ARHGEF40: variants seen among roughly 807,000 people sequenced by gnomAD.
ARHGEF40 encodes the protein Rho guanine nucleotide exchange factor 40, also known as Rho guanine nucleotide exchange factor (GEF) 40.
In ARHGEF40, 98 loss-of-function variants were observed where a neutral mutation model predicts 165.9. The observed-to-expected ratio is 0.59, with a 90% CI of 0.50 to 0.70. ARHGEF40 has a LOEUF of 0.70. ARHGEF40 is among the 30% of genes least tolerant of loss of function. ARHGEF40 has a pLI of 0.00. For missense variants in ARHGEF40, 1,815 were observed against 1,968.0 expected, an observed-to-expected ratio of 0.92 and a Z score of 1.47; for synonymous variants, 792 against 814.3, an observed-to-expected ratio of 0.97 and a Z score of 0.47.
At chr14:21,081,447 C>T in intron 13 of ARHGEF40, 62 bp from the exon 14 acceptor site, 1 of 1,573,552 alleles carries the variant, frequency 6.4e-7, no homozygotes, top group South Asian at 1.2e-5. Flanking sequence ...ACTGGGCATC[C>T]TTCGTGAGCA....
Position 21,082,869 on chromosome 14 carries a change from C to T in ARHGEF40, c.3525C>T (p.His1175=), listed in dbSNP as rs776758055. Reference sequence around the variant, plus strand: ...GCCTTTATGCACAGTACGTGAAGCACCGACACAAACTGGAGAATGGTCTGG... The same window carrying T: ...GCCTTTATGCACAGTACGTGAAGCATCGACACAAACTGGAGAATGGTCTGG... ...QFSLYAQYVK[H]RHKLENGLAA... The change falls in exon 16 of 24, where the codon CAC becomes CAT. Residue 1175 remains histidine, a synonymous_variant. Transcript: ENST00000298694. 1 of 1,614,096 alleles carries T rather than the reference C, an allele frequency of 6.2e-7. No homozygotes were observed. The highest frequency in any genetic ancestry group is 8.5e-7 in the Non-Finnish European group (1 of 1,180,046).
chr14:21,068,761 G>A (rs984953385), upstream of ARHGEF40, among the ~76,000 whole-genome samples: 1 of 152,216 alleles, frequency 6.6e-6, no homozygotes, highest in Non-Finnish European at 1.5e-5. Context: ...GATGGTTACC[G>A]GGGCTTGTTG....
At chr14:21,082,986 A>G (rs1320303488) in intron 16 of ARHGEF40, 69 bp downstream of exon 16, 54 of 1,405,054 alleles carry the variant, frequency 3.8e-5, no homozygotes, top group Non-Finnish European at 5.1e-5. Context: ...CACCCAACAA[A>G]TCCCTCAGGG....
chr14:21,081,638 G>T lies in ARHGEF40; in HGVS notation c.2770G>T (p.Ala924Ser). Reference protein sequence around the residue: ...PSAGTFQEMRALALDLGSPAA... With the variant: ...PSAGTFQEMRSLALDLGSPAA... ...TGCCGGCACCTTCCAGGAGATGCGG[G>T]CCCTGGCCCTGGACCTGGGCAGCCC... The change falls in exon 14 of 24, where the codon GCC (alanine) becomes TCC (serine). Residue 924 changes from alanine (A) to serine (S), a missense_variant. Physicochemically the swap from Ala to Ser is moderately conservative, Grantham distance 99 (BLOSUM62 1). Transcript: ENST00000298694. The T allele has an allele frequency of 6.2e-7, 1 of 1,609,000 alleles. No homozygotes were observed.
In ARHGEF40 at chr14:21,081,601, C is replaced by G. The variant is rs1887903859; in HGVS notation, c.2733C>G (p.Ala911=). Residue 911 remains alanine, a synonymous_variant, in exon 14 of 24, where the codon GCC becomes GCG. Coordinates refer to ENST00000298694, the MANE Select transcript of ARHGEF40 (RefSeq NM_018071.5). Reference sequence around the variant, plus strand: ...TGGCTGCACTGGCCCTGCGGCGGGCCCCAGAGCCCAGTGCCGGCACCTTCC... The same window carrying G: ...TGGCTGCACTGGCCCTGCGGCGGGCGCCAGAGCCCAGTGCCGGCACCTTCC... ...AVLAALALRR[A]PEPSAGTFQE... 2 of 1,611,134 alleles carry G rather than the reference C, an allele frequency of 1.2e-6. No homozygotes were observed. The highest frequency in any genetic ancestry group is 1.7e-6 in the Non-Finnish European group (2 of 1,179,296).
chr14:21,078,822 G>A (rs1043363531), intron 10 of ARHGEF40, 62 bp from the exon 11 acceptor site: 7 of 1,583,590 alleles, frequency 4.4e-6, no homozygotes, highest in African/African-American at 1.3e-5. Context: ...CAGAGGCACG[G>A]AAGGACAGAA....
At chr14:21,068,748 G>A (rs969124250), upstream of ARHGEF40, among the ~76,000 whole-genome samples, 7 of 152,220 alleles carry the variant, frequency 4.6e-5, no homozygotes, top group African/African-American at 1.4e-4. Context: ...ACTGTGCGGG[G>A]AAGATGGTTA....
At chr14:21,065,169 C>CAA in the ARHGEF40 span, among the ~76,000 whole-genome samples, 4 of 135,274 alleles carry the variant, frequency 3.0e-5, no homozygotes, top group South Asian at 2.4e-4. Context: ...AACTCCATCT[C>CAA]AAAAAAAAAA....
intron 11 of ARHGEF40, among the ~76,000 whole-genome samples, chr14:21,079,666 G>A (rs1328218048): frequency 6.6e-6 from 1 of 152,162 alleles, no homozygotes. Flanking sequence ...GACACTTCAT[G>A]GACCTGTACG....
upstream of ARHGEF40, among the ~76,000 whole-genome samples, chr14:21,069,611 C>G (rs1373554542): frequency 6.6e-6 from 1 of 152,244 alleles, no homozygotes; most frequent in Non-Finnish European, 1.5e-5. Flanking sequence ...GCCTTCGCTG[C>G]TCCCTAACTC....
At position 21,089,817 on chromosome 14, in the gene ARHGEF40, C is replaced by T. The variant is rs1888676814; in HGVS notation, c.*809C>T. ...TGAGGCTGAACTGGTCACAGACAAA[C>T]TGGGATCCAGCACAGTCCAGCAGTT... On this transcript the variant is annotated 3_prime_UTR_variant, in exon 24 of 24. Coordinates refer to ENST00000298694, the MANE Select transcript of ARHGEF40 (RefSeq NM_018071.5). The T allele has an allele frequency of 1.3e-5, 2 of 156,450 alleles. No homozygotes were observed. Among genetic ancestry groups the T allele is most frequent in the African/African-American group, 4.8e-5 (2 of 41,498 alleles). The allele number at this position is 156,450 out of a possible 1,614,324, so 9.7% of individuals were successfully genotyped here.
intron 16 of ARHGEF40, among the ~76,000 whole-genome samples, chr14:21,083,615 T>A (rs1384329094): frequency 6.6e-6 from 1 of 152,128 alleles, no homozygotes; most frequent in African/African-American, 2.4e-5. Flanking sequence ...CTATTTTGAT[T>A]CTTCTTCCAT....
At chr14:21,084,351 C>T (rs1228611841) in intron 17 of ARHGEF40, among the ~76,000 whole-genome samples, 2 of 152,214 alleles carry the variant, frequency 1.3e-5, no homozygotes, top group Non-Finnish European at 2.9e-5. Context: ...CACCTCAACA[C>T]CCAACACATA....
chr14:21,070,911 C>A lies in ARHGEF40; in HGVS notation c.3+512C>A, dbSNP rs546562960. ...TCCGGCCCTAGGGGACTGGCCACAG[C>A]TGTGGCTGGGCCGGGTCCCGGGGCA... On this transcript the variant is annotated intron_variant, in intron 1 of 23. Transcript: ENST00000298694. This position sits in a 1 kb window ranked among gnomAD's most constrained non-coding sequence, Gnocchi z 4.7. 9 of 1,516,448 alleles carry A rather than the reference C, an allele frequency of 5.9e-6. No individual in the cohort carries two copies. The Admixed American group carries it at 1.8e-4, about 30-fold the overall frequency. The allele number at this position is 1,516,448 out of a possible 1,614,324, so 93.9% of individuals were successfully genotyped here. A position where few individuals can be genotyped will look rare whatever the true frequency, so the allele number is the denominator to read the frequency against.
In ARHGEF40 at chr14:21,074,163, T is replaced by G; in HGVS notation, c.433T>G (p.Phe145Val). 6.2e-7 allele frequency: 1 copy of G among 1,614,088 alleles called. No individual in the cohort carries two copies. The highest frequency in any genetic ancestry group is 8.5e-7 in the Non-Finnish European group (1 of 1,180,014). Reference protein sequence around the residue: ...PVPNEACAYLFTPEWLQGINK... With the variant: ...PVPNEACAYLVTPEWLQGINK... ...GCCCAATGAGGCTTGTGCCTACCTA[T>G]TCACACCTGAGTGGCTACAAGGCAT... The change falls in exon 3 of 24, where the codon TTC becomes GTC. Residue 145 changes from phenylalanine to valine, a missense_variant. Physicochemically the swap from Phe to Val is conservative, Grantham distance 50. Transcript: ENST00000298694. The surrounding 1 kb of genome is among the most constrained non-coding windows in gnomAD (Gnocchi z 4.8).
In ARHGEF40 at chr14:21,070,542, T is replaced by C; in HGVS notation, c.3+143T>C. 6 of 1,056,082 alleles carry C rather than the reference T, an allele frequency of 5.7e-6. No homozygotes were observed. Among genetic ancestry groups the C allele is most frequent in the Non-Finnish European group, 7.8e-6 (6 of 772,410 alleles). The allele number at this position is 1,056,082 out of a possible 1,614,324, so 65.4% of individuals were successfully genotyped here. On this transcript the variant is annotated intron_variant, in intron 1 of 23. Transcript: ENST00000298694. The surrounding 1 kb of genome is among the most constrained non-coding windows in gnomAD (Gnocchi z 4.7). ...GACTCTCCTCCCTCCCATCCCCCCT[T>C]CTTCGATTTGTCTGTCTGCCCGACT...
chr14:21,084,059 C>A lies in ARHGEF40; in HGVS notation c.3789+9C>A. 6.3e-7 allele frequency: 1 copy of A among 1,595,518 alleles called. No homozygotes were observed. The highest frequency in any genetic ancestry group is 8.5e-7 in the Non-Finnish European group (1 of 1,171,662). On this transcript the variant is annotated intron_variant, in intron 17 of 23. Transcript: ENST00000298694. ...CGGTGCGTGGCTGTGAGGTGAGGCC[C>A]TAGCTCCAGTCACTGCTGCTCAAAC...
In ARHGEF40 at chr14:21,087,301, C is replaced by A. The variant is rs767614262; in HGVS notation, c.4244-19C>A. ...TTTCCCACACCAGCACCCCACCCCC[C>A]ACTCCCCACTCTCTGCAGCCGCCCG... On this transcript the variant is annotated intron_variant, in intron 20 of 23. Transcript: ENST00000298694. 4.4e-6 allele frequency: 7 copies of A among 1,600,858 alleles called. No individual in the cohort carries two copies. Among genetic ancestry groups the A allele is most frequent in the Non-Finnish European group, 6.0e-6 (7 of 1,175,418 alleles).
upstream of ARHGEF40, among the ~76,000 whole-genome samples, chr14:21,067,064 C>G (rs1886306543): frequency 1.3e-5 from 2 of 152,106 alleles, no homozygotes; most frequent in Non-Finnish European, 2.9e-5. Flanking sequence ...TGCTACTCTC[C>G]CAGGGAGAAA....
Sources: gnomAD v4.1 joint callset for allele counts (sites outside exome capture counted in the v4.1 genomes callset) on GRCh38, gnomAD v4.1.1 for gene constraint, Gnocchi (gnomAD v3.1) non-coding constraint, MANE v1.5 for transcripts, NCBI Gene and HGNC (gene_info 2026-07-23, HGNC 2026-07-21) for gene names.